The following RARB variants were observed in gnomAD, a reference collection of about 807,000 sequenced individuals.
RARB encodes retinoic acid receptor beta.
In RARB, 17 loss-of-function variants were observed where a neutral mutation model predicts 51.9. The ratio of observed to expected loss-of-function variants is 0.33; its 90% confidence interval spans 0.22 to 0.49. RARB has a LOEUF of 0.49. RARB is among the 20% of genes least tolerant of loss of function. The pLI, the probability that RARB is intolerant of heterozygous loss-of-function variation, is 0.99. For missense variants in RARB, 369 were observed against 550.8 expected, an observed-to-expected ratio of 0.67 and a Z score of 3.30; for synonymous variants, 215 against 195.4, an observed-to-expected ratio of 1.10 and a Z score of -0.84.
chr3:25,587,255 T>C (rs1000413827), intron 5 of RARB, among the ~76,000 whole-genome samples: 3 of 152,194 alleles, frequency 2.0e-5, no homozygotes, highest in African/African-American at 2.4e-5. Context: ...CTTTATGAAG[T>C]GTGGTGTCTG....
At chr3:24,840,721 T>A (rs1218380229) in intron 1 of RARB, among the ~76,000 whole-genome samples, 1 of 149,370 alleles carries the variant, frequency 6.7e-6, no homozygotes. Context: ...ACCATTTTCT[T>A]TAGTTAGGCA....
At chr3:25,159,712 G>A (rs1311099258) in intron 4 of RARB, among the ~76,000 whole-genome samples, 1 of 152,164 alleles carries the variant, frequency 6.6e-6, no homozygotes, top group African/African-American at 2.4e-5. Context: ...AAGGGGGGCA[G>A]GTCTCAGAAT....
At chr3:25,227,266 T>C (rs1050771339) in intron 5 of RARB, among the ~76,000 whole-genome samples, 4 of 152,152 alleles carry the variant, frequency 2.6e-5, no homozygotes, top group Admixed American at 6.6e-5. Flanking sequence ...AAAGAATATG[T>C]TATATAATAA....
chr3:25,575,301 C>G (rs1700882328), intron 4 of RARB, among the ~76,000 whole-genome samples: 1 of 152,154 alleles, frequency 6.6e-6, no homozygotes, highest in African/African-American at 2.4e-5. Flanking sequence ...AGGACACCGA[C>G]CAGTACCCAT....
At position 24,897,497 on chromosome 3, in the gene RARB, C is replaced by T. The variant is rs115438030; in HGVS notation, c.-380+38745C>T. Among the ~76,000 whole-genome samples the T allele has an allele frequency of 4.6e-5, 7 of 152,284 alleles. No homozygotes were observed. The South Asian group carries it at 1.2e-3, about 27-fold the overall frequency. On this transcript the variant is annotated intron_variant, in intron 2 of 11. Transcript: ENST00000383772. ...TCATCACTTTGAAGTGACCAAGTTA[C>T]TTCTTCCTTTCAAATTCGATAACTG...
intron 2 of RARB, among the ~76,000 whole-genome samples, chr3:24,948,667 G>T (rs1290460502): frequency 6.6e-6 from 1 of 152,186 alleles, no homozygotes; most frequent in Admixed American, 6.5e-5. Flanking sequence ...AGATGTTGGA[G>T]GTGGGCCTGG....
At chr3:25,085,806 A>C (rs1415640792) in intron 3 of RARB, among the ~76,000 whole-genome samples, 1 of 152,178 alleles carries the variant, frequency 6.6e-6, no homozygotes, top group African/African-American at 2.4e-5. Flanking sequence ...TATTGAAATA[A>C]TCTAAACTGA....
intron 2 of RARB, among the ~76,000 whole-genome samples, chr3:24,986,039 T>A (rs4494891): frequency 0.012 from 1,779 of 152,360 alleles, 27 homozygotes; most frequent in East Asian, 0.086. Context: ...TTGGAATATT[T>A]GAATATAATT....
chr3:25,014,429 T>C (rs1447460067), intron 2 of RARB, among the ~76,000 whole-genome samples: 1 of 152,126 alleles, frequency 6.6e-6, no homozygotes, highest in East Asian at 1.9e-4. Context: ...AGGAGGATGA[T>C]AGTCAGTGTA....
intron 5 of RARB, among the ~76,000 whole-genome samples, chr3:25,593,216 G>C (rs539125747): frequency 1.3e-5 from 2 of 151,168 alleles, no homozygotes; most frequent in Non-Finnish European, 2.9e-5. Flanking sequence ...GACATAATTA[G>C]GCACTCAGTA....
chr3:25,202,629 G>T (rs1701425699), intron 5 of RARB, among the ~76,000 whole-genome samples: 1 of 152,132 alleles, frequency 6.6e-6, no homozygotes, highest in South Asian at 2.1e-4. Flanking sequence ...ATTCTGGTAT[G>T]TTGTGTCTTT....
intron 2 of RARB, among the ~76,000 whole-genome samples, chr3:24,895,021 T>G (rs961917520): frequency 2.0e-5 from 3 of 152,218 alleles, no homozygotes; most frequent in Non-Finnish European, 2.9e-5. Context: ...TCAATAGATT[T>G]ACTAAGTTAT....
intron 2 of RARB, among the ~76,000 whole-genome samples, chr3:25,047,386 AG>A (rs140758135): frequency 0.07 from 10,688 of 152,204 alleles, 437 homozygotes; most frequent in Non-Finnish European, 0.096. Context: ...TAATTAGGTC[AG>A]GGGCACAATC....
intron 5 of RARB, among the ~76,000 whole-genome samples, chr3:25,245,964 G>A (rs567986497): frequency 1.3e-5 from 2 of 152,132 alleles, no homozygotes; most frequent in South Asian, 2.1e-4. Flanking sequence ...CCAATCAAAC[G>A]TGGGTTTGGT....
chr3:25,210,037 C>T (rs1328676403), intron 5 of RARB, among the ~76,000 whole-genome samples: 2 of 152,188 alleles, frequency 1.3e-5, no homozygotes, highest in African/African-American at 4.8e-5. Flanking sequence ...TCTCAGGTGT[C>T]TTTTTACCAA....
chr3:25,282,146 G>A (rs1018708398), intron 5 of RARB, among the ~76,000 whole-genome samples: 1 of 152,192 alleles, frequency 6.6e-6, no homozygotes, highest in Non-Finnish European at 1.5e-5. Flanking sequence ...TTTAATCTTA[G>A]GAATTAGGTG....
intron 3 of RARB, among the ~76,000 whole-genome samples, chr3:25,075,954 T>C (rs1026759970): frequency 6.6e-6 from 1 of 152,166 alleles, no homozygotes; most frequent in Non-Finnish European, 1.5e-5. Flanking sequence ...TGAAAGAGAA[T>C]GCTAGAAAAC....
At chr3:25,097,053 A>T (rs1329505878) in intron 3 of RARB, among the ~76,000 whole-genome samples, 1 of 152,124 alleles carries the variant, frequency 6.6e-6, no homozygotes, top group Non-Finnish European at 1.5e-5. Context: ...TATTCCTTTT[A>T]GTTCTTTTGT....
intron 1 of RARB, among the ~76,000 whole-genome samples, chr3:25,449,480 C>T (rs1352130683): frequency 6.6e-6 from 1 of 152,098 alleles, no homozygotes; most frequent in Non-Finnish European, 1.5e-5. Flanking sequence ...GTCTGTCTGA[C>T]TTAGACGTAC....
Sources: gnomAD v4.1 joint callset for allele counts (sites outside exome capture counted in the v4.1 genomes callset) on GRCh38, gnomAD v4.1.1 for gene constraint, MANE v1.5 for transcripts, NCBI Gene and HGNC (gene_info 2026-07-23, HGNC 2026-07-21) for gene names.